Variants in ARHGAP29 observed in about 807,000 individuals in gnomAD.
The protein encoded by ARHGAP29 is Rho GTPase activating protein 29, also known as rho GTPase-activating protein 29.
Under a neutral mutation model 122.6 loss-of-function variants are expected in ARHGAP29, and 43 were observed. That is an observed-to-expected ratio of 0.35 (90% CI 0.27 to 0.45). The LOEUF is 0.45. Ranked by LOEUF, ARHGAP29 falls within the 20% of genes least tolerant of loss-of-function variation. ARHGAP29 has a pLI of 1.00. For synonymous variants in ARHGAP29, 506 were observed against 497.1 expected, an observed-to-expected ratio of 1.02 and a Z score of -0.24; for missense variants, 1,303 against 1,477.2, an observed-to-expected ratio of 0.88 and a Z score of 1.93.
intron 3 of ARHGAP29, among the ~76,000 whole-genome samples, chr1:94,213,305 G>A (rs1332728838): frequency 6.6e-5 from 10 of 151,996 alleles, no homozygotes; most frequent in Non-Finnish European, 1.0e-4. Context: ...TCAGCCTCCC[G>A]AGTAGCTGGG....
At chr1:94,299,617 GT>G in the ARHGAP29 span, among the ~76,000 whole-genome samples, 1 of 152,072 alleles carries the variant, frequency 6.6e-6, no homozygotes, top group Non-Finnish European at 1.5e-5. Flanking sequence ...AAATATCTCA[GT>G]TTATATTTTT....
chr1:94,238,573 G>A (rs1214355471), upstream of ARHGAP29, among the ~76,000 whole-genome samples: 3 of 152,126 alleles, frequency 2.0e-5, no homozygotes, highest in African/African-American at 7.2e-5. Context: ...AAAACACAGG[G>A]AGGGAGACTG....
intron 1 of ARHGAP29, among the ~76,000 whole-genome samples, chr1:94,256,169 A>C (rs1654339307): frequency 6.6e-6 from 1 of 152,186 alleles, no homozygotes; most frequent in South Asian, 2.1e-4. Flanking sequence ...CTGTCTCCTC[A>C]AGCAGGACTC....
intron 1 of ARHGAP29, among the ~76,000 whole-genome samples, chr1:94,274,627 T>G (rs190952314): frequency 6.6e-6 from 1 of 152,168 alleles, no homozygotes; most frequent in South Asian, 2.1e-4. Context: ...CTGTGATAAG[T>G]GCTATATTAT....
At chr1:94,312,357 T>G in the ARHGAP29 span, among the ~76,000 whole-genome samples, 8 of 121,062 alleles carry the variant, frequency 6.6e-5, no homozygotes, top group South Asian at 4.6e-4. Flanking sequence ...TTTTATTTGT[T>G]TTTTTTTTTT....
chr1:94,257,397 T>A (rs1383859875), intron 1 of ARHGAP29, among the ~76,000 whole-genome samples: 1 of 151,652 alleles, frequency 6.6e-6, no homozygotes, highest in Non-Finnish European at 1.5e-5. Context: ...TGAGACTTTG[T>A]CTCAAAAAAC....
At chr1:94,302,939 G>C in the ARHGAP29 span, 81 of 179,650 alleles carry the variant, frequency 4.5e-4, no homozygotes, top group African/African-American at 1.9e-3. Context: ...CGGCCTCTTT[G>C]TCAGGCTCGT....
At chr1:94,188,987 C>T (rs747252592) in intron 14 of ARHGAP29, 46 bp from the exon 15 acceptor site, 1 of 1,556,668 alleles carries the variant, frequency 6.4e-7, no homozygotes, top group Non-Finnish European at 8.8e-7. Context: ...AGGTAGATTT[C>T]ATAAGGTAAA....
chr1:94,248,246 C>T (rs1653911047), intron 1 of ARHGAP29: 1 of 152,228 alleles, frequency 6.6e-6, no homozygotes, highest in African/African-American at 2.4e-5. Context: ...TATACAGTCC[C>T]CGACACATGG....
At chr1:94,222,540 G>A (rs1372641022) in intron 2 of ARHGAP29, among the ~76,000 whole-genome samples, 5 of 152,220 alleles carry the variant, frequency 3.3e-5, no homozygotes, top group Admixed American at 6.5e-5. Context: ...CTAATCAAGC[G>A]CCATCCTGCA....
Position 94,253,228 on chromosome 1 carries a change from C to T in ARHGAP29, c.-32-21585G>A, listed in dbSNP as rs562672731. Among the ~76,000 whole-genome samples the T allele has an allele frequency of 2.6e-5, 4 of 152,196 alleles. No individual in the cohort carries two copies. In the East Asian group the frequency reaches 7.7e-4, roughly 29 times the overall value. ...TAGTGATCCGCCCATCTCGGTCCCC[C>T]TAAGTGCTGGAATTACAGGTGTGAG... On this transcript the variant is annotated intron_variant and NMD_transcript_variant, in intron 1 of 25. Transcript: ENST00000552844.
chr1:94,184,344 A>T, intron 18 of ARHGAP29, 56 bp from the exon 19 acceptor site: 1 of 1,302,502 alleles, frequency 7.7e-7, no homozygotes, highest in Non-Finnish European at 1.1e-6. Context: ...AAATGGCTAA[A>T]TGCAGATATC....
intron 1 of ARHGAP29, among the ~76,000 whole-genome samples, chr1:94,257,413 A>C (rs1166011861): frequency 2.0e-5 from 3 of 151,364 alleles, no homozygotes; most frequent in East Asian, 2.0e-4. Context: ...AAAACAACAA[A>C]AAAAAGAATC....
chr1:94,177,196 A>T (rs1354510201), intron 22 of ARHGAP29: 1 of 153,770 alleles, frequency 6.5e-6, no homozygotes, highest in East Asian at 1.9e-4. Context: ...AAAAAAAAGT[A>T]GGACTCTAAA....
In ARHGAP29 at chr1:94,202,745, G is replaced by A. The variant is rs772194084; in HGVS notation, c.955-13C>T. The A allele has an allele frequency of 1.2e-6, 2 of 1,610,648 alleles. No homozygotes were observed. Among genetic ancestry groups the A allele is most frequent in the East Asian group, 4.5e-5 (2 of 44,860 alleles). Reference sequence around the variant, plus strand: ...TCTCTGCTTCAAGCTACACCGAAAAGAGTATTAAACACAGAATATGAAAGA... The same window carrying A: ...TCTCTGCTTCAAGCTACACCGAAAAAAGTATTAAACACAGAATATGAAAGA... On this transcript the variant is annotated splice_polypyrimidine_tract_variant and intron_variant, in intron 10 of 22. Transcript: ENST00000260526.
intron 3 of ARHGAP29, among the ~76,000 whole-genome samples, chr1:94,214,040 A>G (rs1282613343): frequency 6.6e-6 from 1 of 152,190 alleles, no homozygotes; most frequent in Non-Finnish European, 1.5e-5. Context: ...TATCTGCAAA[A>G]TGAGAGGTGA....
At chr1:94,311,638 T>C in the ARHGAP29 span, among the ~76,000 whole-genome samples, 6 of 152,194 alleles carry the variant, frequency 3.9e-5, no homozygotes, top group Non-Finnish European at 8.8e-5. Context: ...TGCCTGGCAA[T>C]TCCAGCTGAT....
At chr1:94,252,693 G>A (rs1654143180) in intron 1 of ARHGAP29, among the ~76,000 whole-genome samples, 1 of 150,950 alleles carries the variant, frequency 6.6e-6, no homozygotes, top group Non-Finnish European at 1.5e-5. Context: ...GGCCTCGTAA[G>A]TATTCTAATA....
At chr1:94,227,878 G>A (rs1269929374) in intron 2 of ARHGAP29, among the ~76,000 whole-genome samples, 2 of 151,742 alleles carry the variant, frequency 1.3e-5, no homozygotes, top group African/African-American at 4.8e-5. Context: ...AGTGCCTTCA[G>A]CATTTTCATA....
Sources: allele counts gnomAD v4.1 joint callset (sites outside exome capture counted in the v4.1 genomes callset), GRCh38; gene constraint gnomAD v4.1.1; transcripts MANE v1.5; gene names NCBI Gene and HGNC (gene_info 2026-07-23, HGNC 2026-07-21).